The following MED14 variants were observed in gnomAD, a reference collection of about 807,000 sequenced individuals.
MED14 encodes mediator of RNA polymerase II transcription subunit 14.
A neutral mutation model predicts 109.0 loss-of-function variants in MED14; 8 were observed. The ratio of observed to expected loss-of-function variants is 0.07; its 90% CI spans 0.04 to 0.13. MED14 has a LOEUF of 0.13. MED14 is among the 10% of genes least tolerant of loss of function. The pLI, the probability that MED14 is intolerant of heterozygous loss-of-function variation, is 1.00. For missense variants in MED14, 711 were observed against 1,142.4 expected (o/e 0.62, Z 5.44); for synonymous variants, 399 against 408.7 (o/e 0.98, Z 0.29).
chrX:40,705,826 G>C (rs1227071425), intron 10 of MED14, among the ~76,000 whole-genome samples: 2 of 111,511 alleles, frequency 1.8e-5, no homozygotes, highest in Admixed American at 9.5e-5. Context: ...CTGAAGGGTA[G>C]AGTACAACAT....
At chrX:40,668,588 C>A (rs1039571315) in intron 23 of MED14, among the ~76,000 whole-genome samples, 1 of 111,127 alleles carries the variant, frequency 9.0e-6, no homozygotes, top group Non-Finnish European at 1.9e-5. Context: ...GCTACATTAT[C>A]ATAATTACCT....
intron 3 of MED14, among the ~76,000 whole-genome samples, chrX:40,725,649 C>T (rs757267569): frequency 9.0e-6 from 1 of 111,433 alleles, no homozygotes. Context: ...GATAAAAACC[C>T]TCAAAAAACT....
At chrX:40,670,055 T>G (rs189836902) in intron 23 of MED14, among the ~76,000 whole-genome samples, 2 of 112,090 alleles carry the variant, frequency 1.8e-5, no homozygotes, top group Non-Finnish European at 3.8e-5. Context: ...TAAAGATTTT[T>G]AAAATGAGGA....
At chrX:40,714,818 G>T in intron 3 of MED14, 108 bp from the exon 4 acceptor site, 1 of 700,389 alleles carries the variant, frequency 1.4e-6, no homozygotes, top group Non-Finnish European at 2.0e-6. Context: ...ATTAGTATCA[G>T]TTTTCCATAT....
intron 16 of MED14, among the ~76,000 whole-genome samples, chrX:40,683,639 C>T: frequency 8.9e-6 from 1 of 112,012 alleles, no homozygotes. Context: ...GCTAGAATTA[C>T]AGGTGCACAC....
intron 15 of MED14, among the ~76,000 whole-genome samples, chrX:40,689,545 G>A (rs1426534864): frequency 9.0e-6 from 1 of 110,623 alleles, no homozygotes; most frequent in Non-Finnish European, 1.9e-5. Flanking sequence ...ACAAAAATTA[G>A]CTGGGTGTGG....
At chrX:40,663,295 T>C in intron 25 of MED14, 135 bp from the exon 26 acceptor site, 2 of 523,300 alleles carry the variant, frequency 3.8e-6, no homozygotes, top group Admixed American at 7.7e-5. Context: ...GGTGTAACAA[T>C]CATATATTAA....
chrX:40,729,173 T>C, intron 2 of MED14, 146 bp downstream of exon 2: 1 of 490,565 alleles, frequency 2.0e-6, no homozygotes, highest in Non-Finnish European at 3.4e-6. Flanking sequence ...TTCCCAGGAC[T>C]CCCTAAATAC....
intron 10 of MED14, among the ~76,000 whole-genome samples, chrX:40,704,149 T>C (rs959594587): frequency 8.9e-6 from 1 of 111,974 alleles, no homozygotes; most frequent in Non-Finnish European, 1.9e-5. Context: ...ATTAAGAACA[T>C]AGGCAATTGC....
Position 40,680,143 on chromosome X carries a change from A to G in MED14, c.2611-10T>C, listed in dbSNP as rs1488501770. ...GAGTATCAAACAGTACCTATAAGGA[A>G]CAAACACAGTGAGAGCAGCCAGTTT... On this transcript the variant is annotated splice_polypyrimidine_tract_variant and intron_variant, in intron 20 of 30. Transcript: ENST00000324817. 8.3e-7 allele frequency: 1 copy of G among 1,205,359 alleles called. No individual in the cohort carries two copies. Among genetic ancestry groups the G allele is most frequent in the South Asian group, 1.8e-5 (1 of 56,239 alleles).
Position 40,671,955 on chromosome X carries a change from T to C in MED14, c.3039A>G (p.Pro1013=), listed in dbSNP as rs147404532. The C allele has an allele frequency of 4.2e-6, 5 of 1,198,420 alleles. No individual in the cohort carries two copies. Among genetic ancestry groups the C allele is most frequent in the Admixed American group, 2.2e-5 (1 of 45,238 alleles). ...TAAGAGGATAAGCACCTGATGTTCC[T>C]GGCTGCTTTGGAAATGGCTGAAAAG... ...PPQQQPFPKQ[P]GTSGAYPLTS... Residue 1013 remains proline (P), a synonymous_variant, in exon 23 of 31, where the codon CCA becomes CCG. Coordinates refer to ENST00000324817, the MANE Select transcript of MED14 (RefSeq NM_004229.4).
At chrX:40,680,693 C>T (rs747948281) in intron 20 of MED14, 65 bp downstream of exon 20, 1 of 985,485 alleles carries the variant, frequency 1.0e-6, no homozygotes, top group East Asian at 3.2e-5. Flanking sequence ...GTTGGGATTA[C>T]AGGTGTGAAC....
chrX:40,728,715 T>C (rs898947557), intron 2 of MED14, among the ~76,000 whole-genome samples: 3 of 112,101 alleles, frequency 2.7e-5, no homozygotes, highest in African/African-American at 9.7e-5. Flanking sequence ...AAGCTCCAAC[T>C]GAACCAAAAT....
At chrX:40,669,743 C>A (rs1187349083) in intron 23 of MED14, among the ~76,000 whole-genome samples, 2 of 111,926 alleles carry the variant, frequency 1.8e-5, no homozygotes, top group Admixed American at 9.4e-5. Context: ...AGTCTACCAT[C>A]TTCTGGAAGT....
At chrX:40,695,349 T>G (rs1438305127) in intron 13 of MED14, among the ~76,000 whole-genome samples, 1 of 112,038 alleles carries the variant, frequency 8.9e-6, no homozygotes, top group Non-Finnish European at 1.9e-5. Flanking sequence ...GAAAGACATT[T>G]AAGGGGATAT....
At chrX:40,708,999 G>C (rs1414691987) in intron 10 of MED14, among the ~76,000 whole-genome samples, 1 of 111,011 alleles carries the variant, frequency 9.0e-6, no homozygotes, top group African/African-American at 3.3e-5. Context: ...AATAGAGACG[G>C]GGTCTCATTT....
intron 8 of MED14, among the ~76,000 whole-genome samples, chrX:40,710,791 T>C (rs1441486301): frequency 8.9e-6 from 1 of 112,322 alleles, no homozygotes; most frequent in Non-Finnish European, 1.9e-5. Flanking sequence ...GGATGTCCTA[T>C]GTGGTCTACA....
In MED14 at chrX:40,666,957, T is replaced by C. The variant is rs1176851285; in HGVS notation, c.3134-106A>G. 3 of 669,226 alleles carry C rather than the reference T, an allele frequency of 4.5e-6. No individual in the cohort carries two copies. The East Asian group carries it at 1.1e-4, about 24-fold the overall frequency. 55.2% of individuals were successfully genotyped at this position (669,226 alleles called of 1,213,427 possible). ...CTATAAATTAAAGAAACAAGTAGTA[T>C]AGCTCCCATATATATAACACAGAGA... On this transcript the variant is annotated intron_variant, in intron 23 of 30. Transcript: ENST00000324817.
intron 2 of MED14, among the ~76,000 whole-genome samples, chrX:40,727,338 C>G: frequency 9.0e-6 from 1 of 111,629 alleles, no homozygotes; most frequent in Non-Finnish European, 1.9e-5. Flanking sequence ...GGCACCAGTT[C>G]CCATCCTGCA....
Sources: gnomAD v4.1 joint callset for allele counts (sites outside exome capture counted in the v4.1 genomes callset) on GRCh38, gnomAD v4.1.1 for gene constraint, MANE v1.5 for transcripts, NCBI Gene and HGNC (gene_info 2026-07-23, HGNC 2026-07-21) for gene names.